DIAPH3: variants seen among roughly 807,000 people sequenced by gnomAD.
The protein encoded by DIAPH3 is diaphanous related formin 3.
DIAPH3 carries 117 observed loss-of-function variants against 144.3 expected under a neutral mutation model. That is an observed-to-expected ratio of 0.81 (90% CI 0.70 to 0.95). The LOEUF (loss-of-function observed/expected upper bound fraction) is 0.95. Among genes scored for constraint, DIAPH3 ranks in the 40% least tolerant of loss-of-function variants. DIAPH3 has a pLI of 0.00. For synonymous variants in DIAPH3, 519 were observed against 488.9 expected (o/e 1.06, Z -0.81); for missense variants, 1,421 against 1,412.7 (o/e 1.01, Z -0.09).
chr13:60,045,161 G>T (rs1465782023), intron 4 of DIAPH3, among the ~76,000 whole-genome samples: 2 of 152,040 alleles, frequency 1.3e-5, no homozygotes, highest in Non-Finnish European at 2.9e-5. Flanking sequence ...GACCAACATG[G>T]AGAAACCCAT....
At chr13:60,030,640 T>C (rs892078024) in intron 5 of DIAPH3, among the ~76,000 whole-genome samples, 2 of 152,148 alleles carry the variant, frequency 1.3e-5, no homozygotes, top group Admixed American at 6.6e-5. Context: ...CAGAAATTCA[T>C]AGCACAGTGG....
intron 2 of DIAPH3, among the ~76,000 whole-genome samples, chr13:60,117,228 T>C (rs2058725882): frequency 6.6e-6 from 1 of 151,984 alleles, no homozygotes; most frequent in Admixed American, 6.5e-5. Flanking sequence ...GAAAAATAAA[T>C]TTGTACATTA....
chr13:59,742,709 A>AAAAG (rs1268161787), intron 27 of DIAPH3, among the ~76,000 whole-genome samples: 29 of 111,862 alleles, frequency 2.6e-4, no homozygotes, highest in African/African-American at 9.5e-4. Context: ...AGGGAGAAAG[A>AAAAG]AAAGAAAAGA....
At chr13:60,051,409 C>G (rs2056339030) in intron 4 of DIAPH3, among the ~76,000 whole-genome samples, 1 of 152,098 alleles carries the variant, frequency 6.6e-6, no homozygotes, top group African/African-American at 2.4e-5. Flanking sequence ...CATCTGAGGT[C>G]AGGAGTTCGA....
chr13:60,130,143 T>A (rs2059103023), intron 2 of DIAPH3, among the ~76,000 whole-genome samples: 2 of 152,218 alleles, frequency 1.3e-5, no homozygotes, highest in Admixed American at 1.3e-4. Flanking sequence ...TCACCAAGAA[T>A]CTTCTGATTC....
chr13:60,013,779 C>A (rs571849725), intron 7 of DIAPH3, among the ~76,000 whole-genome samples: 4 of 152,124 alleles, frequency 2.6e-5, no homozygotes, highest in African/African-American at 7.2e-5. Flanking sequence ...AAATTTTGTA[C>A]TTATAGATGT....
At chr13:60,091,246 A>C (rs986746254) in intron 4 of DIAPH3, among the ~76,000 whole-genome samples, 3 of 152,124 alleles carry the variant, frequency 2.0e-5, no homozygotes, top group African/African-American at 7.2e-5. Context: ...CCTATTACAT[A>C]TATGTTTATG....
chr13:60,023,850 CTT>C (rs35707483), intron 5 of DIAPH3, among the ~76,000 whole-genome samples: 2 of 68,872 alleles, frequency 2.9e-5, no homozygotes, highest in African/African-American at 6.1e-5. Context: ...ACTATTCAGC[CTT>C]TTTTTTTTTT....
chr13:59,817,203 A>G (rs2040824276), intron 24 of DIAPH3, among the ~76,000 whole-genome samples: 2 of 151,880 alleles, frequency 1.3e-5, no homozygotes, highest in Non-Finnish European at 1.5e-5. Context: ...TTTGAATTCT[A>G]TATACACTAA....
At chr13:59,960,416 A>G (rs1471254103) in intron 17 of DIAPH3, among the ~76,000 whole-genome samples, 2 of 152,184 alleles carry the variant, frequency 1.3e-5, no homozygotes, top group Non-Finnish European at 2.9e-5. Flanking sequence ...AAAAAGGAGT[A>G]ATCCATTCCT....
intron 27 of DIAPH3, among the ~76,000 whole-genome samples, chr13:59,757,815 T>C (rs1274319272): frequency 2.0e-5 from 3 of 152,176 alleles, no homozygotes; most frequent in Admixed American, 2.0e-4. Context: ...ACATGTGTTG[T>C]GATAAAATTG....
chr13:59,725,153 T>A (rs2035546871), intron 27 of DIAPH3, among the ~76,000 whole-genome samples: 1 of 152,154 alleles, frequency 6.6e-6, no homozygotes, highest in Admixed American at 6.5e-5. Context: ...CATGAAAAAT[T>A]TTCAGACTAG....
At chr13:59,788,030 A>G (rs997037135) in intron 25 of DIAPH3, among the ~76,000 whole-genome samples, 4 of 152,314 alleles carry the variant, frequency 2.6e-5, no homozygotes, top group Admixed American at 2.6e-4. Context: ...TCTGTTCTTC[A>G]TAAGCTACTC....
chr13:59,845,377 G>C (rs1477140879), intron 22 of DIAPH3, among the ~76,000 whole-genome samples: 2 of 152,040 alleles, frequency 1.3e-5, no homozygotes, highest in Non-Finnish European at 2.9e-5. Flanking sequence ...GAACCCTTTT[G>C]TCTTCTCTGA....
intron 4 of DIAPH3, among the ~76,000 whole-genome samples, chr13:60,057,648 C>T (rs565990342): frequency 2.0e-4 from 31 of 151,992 alleles, no homozygotes; most frequent in African/African-American, 6.7e-4. Flanking sequence ...TCCAATTATA[C>T]GACAGGGATA....
At chr13:60,104,866 C>T (rs888092171) in intron 3 of DIAPH3, among the ~76,000 whole-genome samples, 2 of 151,912 alleles carry the variant, frequency 1.3e-5, no homozygotes, top group Non-Finnish European at 2.9e-5. Flanking sequence ...CCGAGGCAGG[C>T]GGTTCGTTCA....
intron 21 of DIAPH3, among the ~76,000 whole-genome samples, chr13:59,877,040 G>A (rs1303676168): frequency 6.6e-6 from 1 of 151,950 alleles, no homozygotes; most frequent in East Asian, 1.9e-4. Flanking sequence ...CCCTTCTGCC[G>A]TTACCTTAGC....
intron 25 of DIAPH3, among the ~76,000 whole-genome samples, chr13:59,787,880 A>C (rs1159222768): frequency 6.6e-6 from 1 of 152,188 alleles, no homozygotes; most frequent in Non-Finnish European, 1.5e-5. Flanking sequence ...TGCTTTTATA[A>C]AAGGGATTCT....
intron 27 of DIAPH3, among the ~76,000 whole-genome samples, chr13:59,706,352 C>A (rs1291953276): frequency 6.6e-6 from 1 of 152,156 alleles, no homozygotes; most frequent in Non-Finnish European, 1.5e-5. Context: ...GAATCACCCT[C>A]TAACATGAAC....
Sources: gnomAD v4.1 joint callset for allele counts (sites outside exome capture counted in the v4.1 genomes callset) on GRCh38, gnomAD v4.1.1 for gene constraint, MANE v1.5 for transcripts, NCBI Gene and HGNC (gene_info 2026-07-23, HGNC 2026-07-21) for gene names.